The following PCDHA7 variants were observed in gnomAD, a reference collection of about 807,000 sequenced individuals.
The protein encoded by PCDHA7 is protocadherin alpha-7.
Under a neutral mutation model 57.2 loss-of-function variants are expected in PCDHA7, and 37 were observed. That is an observed-to-expected ratio of 0.65 (90% CI 0.50 to 0.85). The LOEUF (loss-of-function observed/expected upper bound fraction) is 0.85, where lower values mean the gene tolerates loss of function less well. Ranked by LOEUF, PCDHA7 falls within the 40% of genes least tolerant of loss-of-function variation. The pLI, the probability that PCDHA7 is intolerant of heterozygous loss-of-function variation, is 0.00. For synonymous variants in PCDHA7, 553 were observed against 558.8 expected (o/e 0.99, Z 0.15); for missense variants, 1,188 against 1,241.8 (o/e 0.96, Z 0.65).
At chr5:141,000,639 G>A (rs1375900945) in intron 3 of PCDHA7, among the ~76,000 whole-genome samples, 2 of 151,186 alleles carry the variant, frequency 1.3e-5, no homozygotes, top group East Asian at 1.9e-4. Flanking sequence ...TGTTGGGCAG[G>A]CTGGTCTCGA....
At chr5:140,875,684 A>T (rs1236163720) in intron 1 of PCDHA7, 1 of 1,613,854 alleles carries the variant, frequency 6.2e-7, no homozygotes, top group Non-Finnish European at 8.5e-7. Flanking sequence ...TCCAAAAGAC[A>T]CGGGGACCTT....
At chr5:140,986,946 G>A (rs544796668) in intron 3 of PCDHA7, among the ~76,000 whole-genome samples, 9 of 152,230 alleles carry the variant, frequency 5.9e-5, no homozygotes, top group South Asian at 2.1e-4. Context: ...GGGTGTGGTC[G>A]CTCATGCCTG....
intron 1 of PCDHA7, chr5:140,847,692 T>C (rs1011959129): frequency 1.3e-5 from 2 of 149,872 alleles, no homozygotes; most frequent in Non-Finnish European, 3.0e-5. Context: ...ACAACACATT[T>C]CTGGAAACAG....
At chr5:140,931,783 T>A (rs2087751344) in intron 1 of PCDHA7, among the ~76,000 whole-genome samples, 1 of 151,996 alleles carries the variant, frequency 6.6e-6, no homozygotes, top group African/African-American at 2.4e-5. Context: ...TTCAATTACC[T>A]ATTGATCTGA....
intron 1 of PCDHA7, chr5:140,881,444 A>C (rs2058716592): frequency 1.2e-6 from 1 of 800,270 alleles, no homozygotes; most frequent in African/African-American, 1.9e-5. Context: ...ATAAAAACAG[A>C]ATCCAAAACC....
chr5:140,894,997 T>G (rs566489828), intron 1 of PCDHA7, among the ~76,000 whole-genome samples: 15 of 152,296 alleles, frequency 9.8e-5, no homozygotes, highest in African/African-American at 3.6e-4. Flanking sequence ...TCCTTTACCC[T>G]TTTTACTTGG....
chr5:140,930,494 A>T (rs1238249815), intron 1 of PCDHA7: 3 of 152,500 alleles, frequency 2.0e-5, no homozygotes, highest in Admixed American at 6.6e-5. Flanking sequence ...AAGTGCTGGG[A>T]TTACAGGCAT....
At position 140,858,582 on chromosome 5, in the gene PCDHA7, A is replaced by G; in HGVS notation, c.2355+21844A>G. ...ATTTCTAGTGATACCTTTGTAATAT[A>G]ATTTATTCCAGGAGTTTTAAAATTT... On this transcript the variant is annotated intron_variant, in intron 1 of 3. Transcript: ENST00000525929. The G allele has an allele frequency of 1.5e-6, 2 of 1,346,266 alleles. 1 individual carries two copies. Among genetic ancestry groups the G allele is most frequent in the Non-Finnish European group, 2.0e-6 (2 of 983,500 alleles). The allele number at this position is 1,346,266 out of a possible 1,614,324, so 83.4% of individuals were successfully genotyped here. A position where few individuals can be genotyped will look rare whatever the true frequency, so the allele number is the denominator to read the frequency against.
At chr5:140,877,864 A>ATATT in intron 1 of PCDHA7, 1 of 1,500,280 alleles carries the variant, frequency 6.7e-7, no homozygotes, top group East Asian at 2.4e-5. Flanking sequence ...TTATTTAGAT[A>ATATT]TATTTGTTTC....
At position 140,842,101 on chromosome 5, in the gene PCDHA7, A is replaced by G; in HGVS notation, c.2355+5363A>G. 6.2e-7 allele frequency: 1 copy of G among 1,613,930 alleles called. No individual in the cohort carries two copies. The highest frequency in any genetic ancestry group is 8.5e-7 in the Non-Finnish European group (1 of 1,179,886). ...TCGAAAACGCAGACAACGGAACAAC[A>G]GTTATCAAACTGAATGCTTCTGATC... is the stretch of plus-strand genomic sequence containing the variant. On this transcript the variant is annotated intron_variant, in intron 1 of 3. Coordinates refer to ENST00000525929, the MANE Select transcript of PCDHA7 (RefSeq NM_018910.3).
chr5:140,875,816 A>C lies in PCDHA7; in HGVS notation c.2355+39078A>C, dbSNP rs570265935. On this transcript the variant is annotated intron_variant, in intron 1 of 3. Coordinates refer to ENST00000525929, the MANE Select transcript of PCDHA7 (RefSeq NM_018910.3). ...GAGGTGATCGTGGACAGGCCGCTGC[A>C]GGTTTTCCATGTGGACGTGGAGGTG... is the stretch of plus-strand genomic sequence containing the variant. 24 of 1,614,198 alleles carry C rather than the reference A, an allele frequency of 1.5e-5. No individual in the cohort carries two copies. The South Asian group carries it at 2.6e-4, about 18-fold the overall frequency.
intron 1 of PCDHA7, among the ~76,000 whole-genome samples, chr5:140,941,270 T>C (rs1437273239): frequency 1.2e-4 from 17 of 136,774 alleles, no homozygotes; most frequent in Admixed American, 2.3e-4. Flanking sequence ...TCTTTCTTTC[T>C]TTCCTTCCTT....
rs554450758 is a variant in PCDHA7, at chr5:140,895,787, C to T, written c.2355+59049C>T. On this transcript the variant is annotated intron_variant, in intron 1 of 3. Coordinates refer to ENST00000525929, the MANE Select transcript of PCDHA7 (RefSeq NM_018910.3). ...TTTATGGCTGCATAGTATTCAATGA[C>T]GTATATGTACAATACTGTATTGTAT... 8.5e-5 allele frequency among the ~76,000 whole-genome samples: 13 copies of T among 152,124 alleles called. No homozygotes were observed. The South Asian group carries it at 2.1e-3, about 24-fold the overall frequency.
intron 1 of PCDHA7, among the ~76,000 whole-genome samples, chr5:140,956,166 C>T (rs180917985): frequency 7.2e-5 from 11 of 152,232 alleles, no homozygotes; most frequent in Non-Finnish European, 1.5e-4. Flanking sequence ...TTGCCATAGC[C>T]AGAACTTCCA....
intron 1 of PCDHA7, among the ~76,000 whole-genome samples, chr5:140,978,316 A>AC (rs1370469532): frequency 5.4e-4 from 83 of 152,358 alleles, no homozygotes; most frequent in African/African-American, 1.9e-3. Context: ...AGGAGCAGGA[A>AC]CAAGTACAAG....
chr5:140,853,369 T>G, intron 1 of PCDHA7: 1 of 982,984 alleles, frequency 1.0e-6, no homozygotes, highest in African/African-American at 1.8e-5. Flanking sequence ...GATCCAGAGA[T>G]GGTAAAATTC....
chr5:140,992,822 T>G (rs560336634), intron 3 of PCDHA7, among the ~76,000 whole-genome samples: 6 of 152,240 alleles, frequency 3.9e-5, no homozygotes, highest in Admixed American at 3.3e-4. Flanking sequence ...GATGTGTTTG[T>G]TTTTTGGGAA....
Position 140,927,906 on chromosome 5 carries a change from C to T in PCDHA7, c.2356-51043C>T, listed in dbSNP as rs116016831. On this transcript the variant is annotated intron_variant, in intron 1 of 3. Coordinates refer to ENST00000525929, the MANE Select transcript of PCDHA7 (RefSeq NM_018910.3). ...TGACTGACGTGAACGATCATGCCCC[C>T]GAACTGGACTTCCTGACTCTTTCGA... is the stretch of plus-strand genomic sequence containing the variant. 5,195 of 1,614,178 alleles carry T rather than the reference C, an allele frequency of 3.2e-3. 26 individuals are homozygous for T. The highest frequency in any genetic ancestry group is 0.019 in the African/African-American group (1,450 of 75,038).
chr5:140,850,792 A>C (rs1280178447), intron 1 of PCDHA7: 1 of 1,598,354 alleles, frequency 6.3e-7, no homozygotes, highest in African/African-American at 1.3e-5. Flanking sequence ...GGTAAGCAGA[A>C]GACCGACCTC....
Sources: allele counts gnomAD v4.1 joint callset (sites outside exome capture counted in the v4.1 genomes callset), GRCh38; gene constraint gnomAD v4.1.1; transcripts MANE v1.5; gene names NCBI Gene and HGNC (gene_info 2026-07-23, HGNC 2026-07-21).